Variants in SLC36A1 observed in about 807,000 individuals in gnomAD.
The protein encoded by SLC36A1 is proton-coupled amino acid transporter 1.
SLC36A1 carries 30 observed loss-of-function variants against 47.5 expected under a neutral mutation model. The observed-to-expected ratio is 0.63, with a 90% CI of 0.47 to 0.86. SLC36A1 has a LOEUF of 0.86. SLC36A1 is among the 40% of genes least tolerant of loss of function. The pLI is 0.00. For missense variants in SLC36A1, 517 were observed against 606.0 expected (o/e 0.85, Z 1.54); for synonymous variants, 255 against 249.7 (o/e 1.02, Z -0.20).
the SLC36A1 span, among the ~76,000 whole-genome samples, chr5:151,423,062 G>A: frequency 6.6e-6 from 1 of 152,126 alleles, no homozygotes; most frequent in Non-Finnish European, 1.5e-5. Flanking sequence ...CCAGAGAACT[G>A]CAAATCCATA....
chr5:151,454,710 C>CG (rs769231301), intron 1 of SLC36A1, among the ~76,000 whole-genome samples: 4 of 107,930 alleles, frequency 3.7e-5, no homozygotes, highest in African/African-American at 1.5e-4. Flanking sequence ...CATGTGACAG[C>CG]TTTTTTTTTT....
chr5:151,530,358 T>C, the SLC36A1 span, among the ~76,000 whole-genome samples: 1 of 152,104 alleles, frequency 6.6e-6, no homozygotes, highest in Non-Finnish European at 1.5e-5. Context: ...CAACTAAACC[T>C]GATCAAGGCC....
the SLC36A1 span, chr5:151,545,345 G>T: frequency 6.2e-7 from 1 of 1,614,174 alleles, no homozygotes; most frequent in Admixed American, 1.7e-5. Context: ...GCAGGATTCA[G>T]CACAGATATG....
chr5:151,469,154 G>T lies in SLC36A1; in HGVS notation c.723+1229G>T, dbSNP rs1581157233. 2.3e-5 allele frequency: 14 copies of T among 612,906 alleles called. No individual in the cohort carries two copies. The East Asian group carries it at 3.6e-4, about 16-fold the overall frequency. 38.0% of individuals were successfully genotyped at this position (612,906 alleles called of 1,614,324 possible). On this transcript the variant is annotated intron_variant, in intron 7 of 10. Transcript: ENST00000243389. ...TTCATCAGTACATATTCATTAAAAT[G>T]CAGACAACACAAATACCTCTTGAAT...
chr5:151,385,872 CTTT>C, the SLC36A1 span, among the ~76,000 whole-genome samples: 40,388 of 132,662 alleles, frequency 0.3, 6,892 homozygotes, highest in African/African-American at 0.5. Flanking sequence ...CCTTCTGTAT[CTTT>C]TTTTTTTTTT....
chr5:151,385,957 C>G, the SLC36A1 span, among the ~76,000 whole-genome samples: 1 of 151,492 alleles, frequency 6.6e-6, no homozygotes, highest in Admixed American at 6.6e-5. Context: ...CTGCAACCTC[C>G]GCCTCCCAGG....
At chr5:151,359,585 C>G in the SLC36A1 span, among the ~76,000 whole-genome samples, 1 of 152,194 alleles carries the variant, frequency 6.6e-6, no homozygotes, top group Non-Finnish European at 1.5e-5. Context: ...CAATCACCAC[C>G]ACGAGCCAGT....
At chr5:151,526,114 T>C in the SLC36A1 span, 1 of 808,594 alleles carries the variant, frequency 1.2e-6, no homozygotes, top group African/African-American at 1.7e-5. Flanking sequence ...GCTCATTCAT[T>C]CTGCCTGCCT....
At position 151,476,994 on chromosome 5, in the gene SLC36A1, C is replaced by T. The variant is rs1362469494; in HGVS notation, c.989+238C>T. 5 of 643,034 alleles carry T rather than the reference C, an allele frequency of 7.8e-6. No individual in the cohort carries two copies. The East Asian group carries it at 9.4e-5, about 12-fold the overall frequency. 39.8% of individuals were successfully genotyped at this position (643,034 alleles called of 1,614,324 possible). On this transcript the variant is annotated intron_variant, in intron 9 of 10. Transcript: ENST00000243389. The stretch of plus-strand genomic sequence containing the variant: ...ATCAGCCGATGGGTAAGCCATTTCT[C>T]CTTGGAATTCCTAAGCTCAGAAGGA...
chr5:151,387,752 C>T, the SLC36A1 span, among the ~76,000 whole-genome samples: 1 of 152,202 alleles, frequency 6.6e-6, no homozygotes, highest in Non-Finnish European at 1.5e-5. Context: ...CAGGCATGTG[C>T]CACCATGCCC....
chr5:151,537,369 A>C, the SLC36A1 span, among the ~76,000 whole-genome samples: 1 of 151,550 alleles, frequency 6.6e-6, no homozygotes, highest in Non-Finnish European at 1.5e-5. Flanking sequence ...GAAGGAAGGA[A>C]AGAAACAACG....
the SLC36A1 span, among the ~76,000 whole-genome samples, chr5:151,526,859 T>C: frequency 6.6e-6 from 1 of 152,158 alleles, no homozygotes; most frequent in Non-Finnish European, 1.5e-5. Flanking sequence ...AAATCCTATT[T>C]GCAAACCATT....
the SLC36A1 span, among the ~76,000 whole-genome samples, chr5:151,532,589 T>G: frequency 1.3e-5 from 2 of 152,222 alleles, no homozygotes; most frequent in Admixed American, 1.3e-4. Context: ...CCAGTCCTAT[T>G]TTTGCAACTT....
Position 151,476,880 on chromosome 5 carries a change from C to A in SLC36A1, c.989+124C>A. ...CCCACTTCACTCTAGCCCACCATCC[C>A]CTGCCACTGCCAGCCCTCACTGGCT... On this transcript the variant is annotated intron_variant, in intron 9 of 10. Coordinates refer to ENST00000243389, the MANE Select transcript of SLC36A1 (RefSeq NM_078483.4). 2.5e-6 allele frequency: 3 copies of A among 1,203,288 alleles called. No homozygotes were observed. The South Asian group carries it at 3.9e-5, about 16-fold the overall frequency. 74.5% of individuals were successfully genotyped at this position (1,203,288 alleles called of 1,614,324 possible).
the SLC36A1 span, chr5:151,553,341 C>T: frequency 3.7e-6 from 6 of 1,614,098 alleles, no homozygotes; most frequent in South Asian, 1.1e-5. Context: ...AATGTGTAGC[C>T]GGACACTGGC....
At chr5:151,545,126 G>A in the SLC36A1 span, 5 of 1,614,186 alleles carry the variant, frequency 3.1e-6, no homozygotes, top group Non-Finnish European at 3.4e-6. Flanking sequence ...AAGTAGGAAA[G>A]GGTGTCATTC....
chr5:151,538,658 G>C, the SLC36A1 span, among the ~76,000 whole-genome samples: 1 of 152,110 alleles, frequency 6.6e-6, no homozygotes, highest in Admixed American at 6.5e-5. Context: ...ACATGCCCTG[G>C]ATGGAAGCTT....
At chr5:151,355,863 C>T in the SLC36A1 span, among the ~76,000 whole-genome samples, 3 of 152,130 alleles carry the variant, frequency 2.0e-5, no homozygotes. Context: ...ATCTTGTATA[C>T]ACATGGTTGT....
the SLC36A1 span, among the ~76,000 whole-genome samples, chr5:151,362,393 T>C: frequency 2.7e-5 from 4 of 146,966 alleles, no homozygotes; most frequent in African/African-American, 7.5e-5. Flanking sequence ...ATTCTTCTTT[T>C]TTTTTTTTTT....
Sources: allele counts gnomAD v4.1 joint callset (sites outside exome capture counted in the v4.1 genomes callset), GRCh38; gene constraint gnomAD v4.1.1; transcripts MANE v1.5; gene names NCBI Gene and HGNC (gene_info 2026-07-23, HGNC 2026-07-21).